The following RAB5IF variants were observed in gnomAD, a reference collection of about 807,000 sequenced individuals.
RAB5IF encodes RAB5 interacting factor, also known as GEL complex subunit OPTI.
Under a neutral mutation model 20.3 loss-of-function variants are expected in RAB5IF, and 15 were observed. The observed-to-expected ratio is 0.74, with a 90% CI of 0.50 to 1.14. RAB5IF has a LOEUF of 1.14. Among genes scored for constraint, RAB5IF ranks in the 50% most tolerant of loss-of-function variants. RAB5IF has a pLI of 0.00. For missense variants in RAB5IF, 148 were observed against 159.5 expected (o/e 0.93, Z 0.39); for synonymous variants, 67 against 63.7 (o/e 1.05, Z -0.25).
chr20:36,609,256 C>CACACACACTATA (rs1555790839), intron 2 of RAB5IF, among the ~76,000 whole-genome samples: 1 of 121,580 alleles, frequency 8.2e-6, no homozygotes, highest in Non-Finnish European at 1.7e-5. Context: ...CACACACACA[C>CACACACACTATA]TATATATAGA....
intron 2 of RAB5IF, among the ~76,000 whole-genome samples, chr20:36,609,237 A>T (rs895718516): frequency 1.5e-5 from 2 of 130,508 alleles, no homozygotes; most frequent in Non-Finnish European, 3.1e-5. Context: ...ACACACACAC[A>T]CACACACACA....
chr20:36,609,193 ACGC>A (rs2039025754), intron 2 of RAB5IF, among the ~76,000 whole-genome samples: 1 of 62,262 alleles, frequency 1.6e-5, no homozygotes, highest in Non-Finnish European at 3.1e-5. Flanking sequence ...ACACACACAC[ACGC>A]ACACACGCAC....
chr20:36,608,075 G>C lies in RAB5IF; in HGVS notation c.218+257G>C, dbSNP rs956702362. Reference sequence around the variant, plus strand: ...ATTCATGGGTCTAAAGTGACCTCATGCAAGAGGCTATGACTACTTGTTCGT... The same window carrying C: ...ATTCATGGGTCTAAAGTGACCTCATCCAAGAGGCTATGACTACTTGTTCGT... On this transcript the variant is annotated intron_variant, in intron 2 of 3. Transcript: ENST00000344795. 18 of 822,580 alleles carry C rather than the reference G, an allele frequency of 2.2e-5. No individual in the cohort carries two copies. In the African/African-American group the frequency reaches 2.6e-4, roughly 12 times the overall value. 51.0% of individuals were successfully genotyped at this position (822,580 alleles called of 1,614,324 possible). A position where few individuals can be genotyped will look rare whatever the true frequency, so the allele number is the denominator to read the frequency against.
At chr20:36,608,019 C>T (rs2038976188) in intron 2 of RAB5IF, 1 of 1,426,566 alleles carries the variant, frequency 7.0e-7, no homozygotes, top group Non-Finnish European at 9.4e-7. Context: ...GGTTACCTTC[C>T]TGCCTTCCTG....
chr20:36,609,195 GCACACA>G (rs1179707974), intron 2 of RAB5IF, among the ~76,000 whole-genome samples: 2 of 34,004 alleles, frequency 5.9e-5, no homozygotes, highest in African/African-American at 2.6e-4. Context: ...ACACACACAC[GCACACA>G]CGCACACACG....
chr20:36,608,941 A>C (rs1007733937), intron 2 of RAB5IF, among the ~76,000 whole-genome samples: 4 of 151,676 alleles, frequency 2.6e-5, no homozygotes, highest in African/African-American at 4.8e-5. Context: ...ATCCCGTAGC[A>C]ATAACAGACA....
chr20:36,608,797 T>C (rs1443238918), intron 2 of RAB5IF, among the ~76,000 whole-genome samples: 1 of 151,896 alleles, frequency 6.6e-6, no homozygotes, highest in Non-Finnish European at 1.5e-5. Flanking sequence ...ATTCCTGACC[T>C]CAGGTGATCC....
chr20:36,612,168 T>A lies in RAB5IF; in HGVS notation c.*117T>A. 3 of 1,614,244 alleles carry A rather than the reference T, an allele frequency of 1.9e-6. No individual in the cohort carries two copies. Among genetic ancestry groups the A allele is most frequent in the Non-Finnish European group, 2.5e-6 (3 of 1,180,042 alleles). ...TGGAACTTGGAAGACCCGTGTTTCC[T>A]GGACCGCGAATCAGTGTGTTGGGCA... On this transcript the variant is annotated 3_prime_UTR_variant, in exon 4 of 4. Coordinates refer to ENST00000344795, the MANE Select transcript of RAB5IF (RefSeq NM_018840.5).
Position 36,605,799 on chromosome 20 carries a change from T to G in RAB5IF, c.-153T>G, listed in dbSNP as rs970635737. The G allele has an allele frequency of 6.4e-5, 26 of 407,448 alleles. No homozygotes were observed. Among genetic ancestry groups the G allele is most frequent in the South Asian group, 2.6e-4 (3 of 11,694 alleles). The allele number at this position is 407,448 out of a possible 1,614,324, so 25.2% of individuals were successfully genotyped here. On this transcript the variant is annotated 5_prime_UTR_variant, in exon 1 of 4. Coordinates refer to ENST00000344795, the MANE Select transcript of RAB5IF (RefSeq NM_018840.5). Reference sequence around the variant, plus strand: ...GCTCTGTAGAGCCGGCGGAACCGGGTAGCTTGGCCAGGTTGTGAGGAACCG... The same window carrying G: ...GCTCTGTAGAGCCGGCGGAACCGGGGAGCTTGGCCAGGTTGTGAGGAACCG...
At chr20:36,609,472 G>C in intron 2 of RAB5IF, 129 bp from the exon 3 acceptor site, 2 of 1,326,236 alleles carry the variant, frequency 1.5e-6, no homozygotes, top group Non-Finnish European at 2.0e-6. Flanking sequence ...ACTCCTGACC[G>C]CAAGTGATCC....
chr20:36,609,160 C>CAA (rs1568595285), intron 2 of RAB5IF, among the ~76,000 whole-genome samples: 1 of 55,140 alleles, frequency 1.8e-5, no homozygotes, highest in Admixed American at 2.3e-4. Flanking sequence ...CTATATTACA[C>CAA]ACACACACAC....
chr20:36,609,202 C>CACACACACACACTATATATA (rs2039029481), intron 2 of RAB5IF, among the ~76,000 whole-genome samples: 1 of 50,848 alleles, frequency 2.0e-5, no homozygotes. Context: ...CACGCACACA[C>CACACACACACACTATATATA]GCACACACGC....
intron 2 of RAB5IF, among the ~76,000 whole-genome samples, chr20:36,609,255 ACTAT>A (rs1198258632): frequency 8.6e-6 from 1 of 116,432 alleles, no homozygotes; most frequent in Non-Finnish European, 1.8e-5. Flanking sequence ...ACACACACAC[ACTAT>A]ATATAGAGTT....
intron 2 of RAB5IF, among the ~76,000 whole-genome samples, chr20:36,609,256 C>CTATATATATATATATATATATATATA (rs60707085): frequency 6.6e-5 from 8 of 121,580 alleles, no homozygotes; most frequent in African/African-American, 2.6e-4. Context: ...CACACACACA[C>CTATATATATATATATATATATATATA]TATATATAGA....
chr20:36,612,318 T>C lies in RAB5IF; in HGVS notation c.*267T>C. On this transcript the variant is annotated 3_prime_UTR_variant, in exon 4 of 4. Transcript: ENST00000344795. ...GGATACCATCAAGTAACAGCTATTA[T>C]TTGCCAAGTGGAGCTGTCATTTAAT... 1 of 1,178,472 alleles carries C rather than the reference T, an allele frequency of 8.5e-7. No homozygotes were observed. Among genetic ancestry groups the C allele is most frequent in the Non-Finnish European group, 1.3e-6 (1 of 793,636 alleles). 73.0% of individuals were successfully genotyped at this position (1,178,472 alleles called of 1,614,324 possible).
rs1568595416 is a variant in RAB5IF, at chr20:36,609,190, C to CAGAACTATATTACAT, written c.219-410_219-409insGAACTATATTACATA. ...ACACACACACACACACACACACACACACACGCACACACGCACACACGCACA... is the reference window on the plus strand; with the variant it reads ...ACACACACACACACACACACACACACAGAACTATATTACATACACGCACACACGCACACACGCACA... On this transcript the variant is annotated intron_variant, in intron 2 of 3. Transcript: ENST00000344795. Among the ~76,000 whole-genome samples the CAGAACTATATTACAT allele has an allele frequency of 5.4e-4, 28 of 52,136 alleles. 3 individuals carry two copies. The highest frequency in any genetic ancestry group is 8.0e-4 in the Non-Finnish European group (22 of 27,452). 34.2% of individuals were successfully genotyped at this position (52,136 alleles called of 152,430 possible).
intron 2 of RAB5IF, among the ~76,000 whole-genome samples, chr20:36,609,308 G>A (rs1028862416): frequency 1.3e-5 from 2 of 148,896 alleles, no homozygotes; most frequent in South Asian, 2.1e-4. Flanking sequence ...GAACAATTTC[G>A]GCTCACTGCA....
intron 1 of RAB5IF, among the ~76,000 whole-genome samples, chr20:36,606,866 C>T (rs1028976993): frequency 2.6e-5 from 4 of 152,184 alleles, no homozygotes; most frequent in African/African-American, 2.4e-5. Flanking sequence ...TCTTGGTTTT[C>T]TGGGCTGCCG....
chr20:36,610,903 T>A (rs2147967189), intron 3 of RAB5IF, among the ~76,000 whole-genome samples: 1 of 152,300 alleles, frequency 6.6e-6, no homozygotes, highest in African/African-American at 2.4e-5. Flanking sequence ...GGAGAGTAGC[T>A]GATAAAGGAA....
Sources: gnomAD v4.1 joint callset for allele counts (sites outside exome capture counted in the v4.1 genomes callset) on GRCh38, gnomAD v4.1.1 for gene constraint, MANE v1.5 for transcripts, NCBI Gene and HGNC (gene_info 2026-07-23, HGNC 2026-07-21) for gene names.